Variants in MALL observed in about 807,000 individuals in gnomAD.
MALL encodes the protein MAL-like protein.
Under a neutral mutation model 10.3 loss-of-function variants are expected in MALL, and 2 were observed. The ratio of observed to expected loss-of-function variants is 0.19; its 90% confidence interval spans 0.08 to 0.61. The LOEUF (loss-of-function observed/expected upper bound fraction) is 0.61, where lower values mean the gene tolerates loss of function less well. Ranked by LOEUF, MALL falls within the 20% of genes least tolerant of loss-of-function variation. The pLI is 0.88. For synonymous variants in MALL, 27 were observed against 51.8 expected (o/e 0.52, Z 2.05); for missense variants, 39 against 115.2 (o/e 0.34, Z 3.03).
intron 1 of MALL, among the ~76,000 whole-genome samples, chr2:110,107,083 G>A (rs1678712584): frequency 6.9e-6 from 1 of 144,870 alleles, no homozygotes; most frequent in South Asian, 2.3e-4. Flanking sequence ...GGAGGGCAGG[G>A]TAGGGGGTGC....
chr2:110,113,030 G>A (rs1049588042), intron 1 of MALL, among the ~76,000 whole-genome samples: 4 of 151,876 alleles, frequency 2.6e-5, no homozygotes, highest in Non-Finnish European at 4.4e-5. Context: ...ACCAAACATC[G>A]TATGTTCTCA....
intron 1 of MALL, among the ~76,000 whole-genome samples, chr2:110,102,858 C>T (rs1678603384): frequency 6.6e-6 from 1 of 152,138 alleles, no homozygotes; most frequent in Non-Finnish European, 1.5e-5. Flanking sequence ...CCCCACCACC[C>T]TGGTACATAG....
intron 1 of MALL, among the ~76,000 whole-genome samples, chr2:110,105,713 C>T (rs1260412986): frequency 3.3e-5 from 5 of 152,208 alleles, no homozygotes; most frequent in Non-Finnish European, 7.3e-5. Context: ...TCCTGGAAAA[C>T]TCAACTTCTA....
intron 1 of MALL, among the ~76,000 whole-genome samples, chr2:110,114,744 C>G (rs1678872805): frequency 6.6e-6 from 1 of 151,582 alleles, no homozygotes; most frequent in Non-Finnish European, 1.5e-5. Context: ...AGTAGATGCA[C>G]TTTCTATCTT....
intron 1 of MALL, among the ~76,000 whole-genome samples, chr2:110,113,478 A>G (rs1281117795): frequency 6.7e-6 from 1 of 150,160 alleles, no homozygotes; most frequent in Non-Finnish European, 1.5e-5. Context: ...AATGTAGTGC[A>G]GTGTATACAT....
chr2:110,106,791 G>A lies in MALL; in HGVS notation c.105+8897C>T, dbSNP rs940669487. On this transcript the variant is annotated intron_variant, in intron 1 of 3. Coordinates refer to ENST00000272462, the MANE Select transcript of MALL (RefSeq NM_005434.5). ...TTTTCACAGCAGCTTTATTTGGAAC[G>A]GCCAAGAACTGGAAACAGGCAAACT... 9.2e-5 allele frequency among the ~76,000 whole-genome samples: 14 copies of A among 152,176 alleles called. No individual in the cohort carries two copies. The South Asian group carries it at 1.7e-3, about 18-fold the overall frequency.
chr2:110,097,309 G>A (rs1381888727), intron 1 of MALL, among the ~76,000 whole-genome samples: 2 of 152,054 alleles, frequency 1.3e-5, no homozygotes, highest in African/African-American at 2.4e-5. Context: ...CCTTGGTCTC[G>A]GGGAAGCAGA....
chr2:110,117,800 G>A (rs1678952336), upstream of MALL, among the ~76,000 whole-genome samples: 1 of 152,028 alleles, frequency 6.6e-6, no homozygotes, highest in Non-Finnish European at 1.5e-5. Context: ...AGATTGCACA[G>A]GGGCTAAGGA....
intron 1 of MALL, among the ~76,000 whole-genome samples, chr2:110,109,893 A>G (rs1047587624): frequency 1.3e-5 from 2 of 152,196 alleles, no homozygotes; most frequent in Admixed American, 6.5e-5. Context: ...CAGTAGAATA[A>G]AACTGGAAAT....
In MALL at chr2:110,110,597, G is replaced by T. The variant is rs1463440339; in HGVS notation, c.105+5091C>A. On this transcript the variant is annotated intron_variant, in intron 1 of 3. Coordinates refer to ENST00000272462, the MANE Select transcript of MALL (RefSeq NM_005434.5). The stretch of plus-strand genomic sequence containing the variant: ...AATTTAAAAATTACCAACAAAAAAA[G>T]TCCAAGAACGGATGGATTCGCACCA... Among the ~76,000 whole-genome samples, 3 of 152,050 alleles carry T rather than the reference G, an allele frequency of 2.0e-5. No homozygotes were observed. The East Asian group carries it at 5.8e-4, about 29-fold the overall frequency.
intron 1 of MALL, 148 bp downstream of exon 1, chr2:110,115,540 C>G (rs1007247632): frequency 1.5e-4 from 64 of 433,464 alleles, no homozygotes; most frequent in Non-Finnish European, 2.1e-4. Flanking sequence ...CGGTCTCCCC[C>G]CCCCTCTCTG....
At chr2:110,104,804 G>A (rs899529782) in intron 1 of MALL, among the ~76,000 whole-genome samples, 1 of 152,168 alleles carries the variant, frequency 6.6e-6, no homozygotes, top group Admixed American at 6.5e-5. Context: ...CTTTAAGAGA[G>A]GCTCATGCCT....
chr2:110,104,581 C>T (rs928728656), intron 1 of MALL, among the ~76,000 whole-genome samples: 1 of 152,192 alleles, frequency 6.6e-6, no homozygotes, highest in Non-Finnish European at 1.5e-5. Context: ...TTGTTAACTT[C>T]CTGGTCCTAG....
chr2:110,115,865 A>C, upstream of MALL: 1 of 591,084 alleles, frequency 1.7e-6, no homozygotes, highest in Non-Finnish European at 2.5e-6. Context: ...CTCCTGCCCG[A>C]CACACCCATC....
intron 1 of MALL, among the ~76,000 whole-genome samples, chr2:110,113,093 T>C (rs1678839107): frequency 6.6e-6 from 1 of 151,412 alleles, no homozygotes; most frequent in African/African-American, 2.4e-5. Context: ...AATGATACAG[T>C]GGACTTTGGG....
rs888963833 is a variant in MALL, at chr2:110,102,999, G to C, written c.106-11229C>G. On this transcript the variant is annotated intron_variant, in intron 1 of 3. Transcript: ENST00000272462. ...GGCAGTGTTGGAGGGAGGCTGGTGG[G>C]GGTATCTGTGAATAGTGCTGAAGTA... 2.8e-4 allele frequency among the ~76,000 whole-genome samples: 43 copies of C among 152,172 alleles called. 1 individual carries two copies. Among genetic ancestry groups the C allele is most frequent in the African/African-American group, 1.0e-3 (43 of 41,432 alleles).
chr2:110,106,326 G>T (rs961189237), intron 1 of MALL, among the ~76,000 whole-genome samples: 1 of 152,102 alleles, frequency 6.6e-6, no homozygotes, highest in African/African-American at 2.4e-5. Flanking sequence ...TACAGGTAAT[G>T]GCATGGTCAG....
At position 110,091,713 on chromosome 2, in the gene MALL, G is replaced by T. The variant is rs778607949; in HGVS notation, c.163C>A (p.Leu55Met). Reference sequence around the variant, plus strand: ...GAGACATACATCACCCATCCTTGCAGCAAGGGGTATACTATGTGGGTGGCG... The same window carrying T: ...GAGACATACATCACCCATCCTTGCATCAAGGGGTATACTATGTGGGTGGCG... ...VAATHIVYPL[L>M]QGWVMYVSLT... The change falls in exon 2 of 4, where the codon CTG becomes ATG. Residue 55 changes from leucine (L) to methionine (M), a missense_variant. Transcript: ENST00000272462. 6.2e-7 allele frequency: 1 copy of T among 1,613,348 alleles called. No homozygotes were observed. The highest frequency in any genetic ancestry group is 2.2e-5 in the East Asian group (1 of 44,900).
In MALL at chr2:110,115,575, CCT is replaced by C. The variant is rs1487411402; in HGVS notation, c.105+111_105+112del. On this transcript the variant is annotated intron_variant, in intron 1 of 3. Transcript: ENST00000272462. ...GCAGGTGGCCCCTGTGCTTGCTGCC[CCT>C]CTCTCTTCTCGGTCCGGTCTGGGTC... The C allele has an allele frequency of 1.4e-5, 6 of 428,020 alleles. No homozygotes were observed. The East Asian group carries it at 2.3e-4, about 17-fold the overall frequency. The allele number at this position is 428,020 out of a possible 1,614,324, so 26.5% of individuals were successfully genotyped here.
Sources: allele counts gnomAD v4.1 joint callset (sites outside exome capture counted in the v4.1 genomes callset), GRCh38; gene constraint gnomAD v4.1.1; transcripts MANE v1.5; gene names NCBI Gene and HGNC (gene_info 2026-07-23, HGNC 2026-07-21).